TRIM40: variants seen among roughly 807,000 people sequenced by gnomAD.
TRIM40 encodes E3 ubiquitin ligase TRIM40.
Under a neutral mutation model 26.1 loss-of-function variants are expected in TRIM40, and 27 were observed. The observed-to-expected ratio is 1.04, with a 90% CI of 0.76 to 1.43. TRIM40 has a LOEUF of 1.43. TRIM40 is among the 40% of genes most tolerant of loss of function. The probability of loss-of-function intolerance (pLI) is 0.00; values close to 1 mark genes in which losing one functional copy is unlikely to be tolerated. For synonymous variants in TRIM40, 114 were observed against 120.0 expected, an observed-to-expected ratio of 0.95 and a Z score of 0.33; for missense variants, 289 against 307.9, an observed-to-expected ratio of 0.94 and a Z score of 0.46.
chr6:30,147,358 G>A, intron 4 of TRIM40, 149 bp downstream of exon 4: 2 of 1,356,370 alleles, frequency 1.5e-6, no homozygotes, highest in Non-Finnish European at 2.1e-6. Context: ...AGGCTACAGA[G>A]TGCTGCTGCA....
At chr6:30,142,866 T>G (rs931189276) in intron 2 of TRIM40, among the ~76,000 whole-genome samples, 1 of 152,122 alleles carries the variant, frequency 6.6e-6, no homozygotes, top group Non-Finnish European at 1.5e-5. Flanking sequence ...GTTTTTTTTT[T>G]ACTCTAGTCC....
intron 2 of TRIM40, among the ~76,000 whole-genome samples, chr6:30,139,914 A>G (rs1771246598): frequency 6.6e-6 from 1 of 152,264 alleles, no homozygotes; most frequent in African/African-American, 2.4e-5. Flanking sequence ...GGCAAAGGAT[A>G]TGAACAGACG....
At position 30,147,840 on chromosome 6, in the gene TRIM40, C is replaced by T. The variant is rs753789831; in HGVS notation, c.*28C>T. On this transcript the variant is annotated 3_prime_UTR_variant, in exon 6 of 6. Coordinates refer to ENST00000396581, the MANE Select transcript of TRIM40 (RefSeq NM_001286633.2). ...TGTTCATCCCTGGGACACCTCACTT[C>T]AGGCTCACCTCAGCCTCCTCTCTCT... The T allele has an allele frequency of 4.4e-6, 7 of 1,597,548 alleles. No homozygotes were observed. Among genetic ancestry groups the T allele is most frequent in the South Asian group, 1.1e-5 (1 of 90,798 alleles).
intron 2 of TRIM40, 121 bp downstream of exon 2, chr6:30,137,502 C>CT (rs1292281173): frequency 1.2e-5 from 10 of 852,766 alleles, no homozygotes; most frequent in Non-Finnish European, 1.8e-5. Flanking sequence ...TTTGTTTCTT[C>CT]TGCTTCATCC....
Position 30,136,838 on chromosome 6 carries a change from G to A in TRIM40, c.-199G>A. ...ACTCGTGCAGAATTGTGGTTTGTGTGGTCTATGTCACGGCACCCTTGAGGG... is the reference window on the plus strand; with the variant it reads ...ACTCGTGCAGAATTGTGGTTTGTGTAGTCTATGTCACGGCACCCTTGAGGG... On this transcript the variant is annotated 5_prime_UTR_variant, in exon 2 of 6. Transcript: ENST00000396581. 1.7e-6 allele frequency: 1 copy of A among 594,918 alleles called. No individual in the cohort carries two copies. Among genetic ancestry groups the A allele is most frequent in the Non-Finnish European group, 3.0e-6 (1 of 335,306 alleles). 36.9% of individuals were successfully genotyped at this position (594,918 alleles called of 1,614,324 possible).
intron 2 of TRIM40, 59 bp from the exon 3 acceptor site, chr6:30,145,935 C>T: frequency 7.2e-7 from 1 of 1,387,240 alleles, no homozygotes; most frequent in Non-Finnish European, 1.0e-6. Context: ...CCATTGACTC[C>T]TCCCAGTGGG....
At position 30,148,065 on chromosome 6, in the gene TRIM40, C is replaced by T; in HGVS notation, c.*253C>T. On this transcript the variant is annotated 3_prime_UTR_variant, in exon 6 of 6. Coordinates refer to ENST00000396581, the MANE Select transcript of TRIM40 (RefSeq NM_001286633.2). ...CACTGTGGAGGTCGGGGCCCATGGTCTCCAGGAGCATTTGTGAAATCTCCA... is the reference window on the plus strand; with the variant it reads ...CACTGTGGAGGTCGGGGCCCATGGTTTCCAGGAGCATTTGTGAAATCTCCA... 1 of 565,456 alleles carries T rather than the reference C, an allele frequency of 1.8e-6. No individual in the cohort carries two copies. The allele number at this position is 565,456 out of a possible 1,614,324, so 35.0% of individuals were successfully genotyped here.
At chr6:30,144,765 A>G (rs1771548376) in intron 2 of TRIM40, among the ~76,000 whole-genome samples, 1 of 152,176 alleles carries the variant, frequency 6.6e-6, no homozygotes, top group South Asian at 2.1e-4. Flanking sequence ...AGCAACACCA[A>G]ACAACTTGAC....
intron 2 of TRIM40, among the ~76,000 whole-genome samples, chr6:30,140,968 A>G (rs184674419): frequency 5.9e-5 from 9 of 152,304 alleles, no homozygotes; most frequent in Non-Finnish European, 1.2e-4. Flanking sequence ...ACAAAGATCC[A>G]TCCAGGCAAA....
intron 5 of TRIM40, 44 bp downstream of exon 5, chr6:30,147,586 C>T (rs1771746931): frequency 6.2e-7 from 1 of 1,613,640 alleles, no homozygotes; most frequent in African/African-American, 1.3e-5. Context: ...CATATAAACC[C>T]ACACAACACA....
At chr6:30,139,339 C>CTTTTTTTTTT (rs9278591) in intron 2 of TRIM40, among the ~76,000 whole-genome samples, 72 of 77,822 alleles carry the variant, frequency 9.3e-4, no homozygotes, top group Middle Eastern at 7.1e-3. Context: ...ACTTTTTTTT[C>CTTTTTTTTTT]TTTTTTTTTT....
chr6:30,146,166 T>C (rs1771634620), intron 3 of TRIM40, 77 bp downstream of exon 3: 3 of 1,247,420 alleles, frequency 2.4e-6, no homozygotes, highest in Admixed American at 2.0e-5. Flanking sequence ...TGGACATCTG[T>C]CTGTCCCTGG....
At chr6:30,138,200 G>C (rs116597831) in intron 2 of TRIM40, among the ~76,000 whole-genome samples, 1,683 of 152,216 alleles carry the variant, frequency 0.011, 24 homozygotes, top group African/African-American at 0.034. Flanking sequence ...TTATTTTCAA[G>C]AACTGTGTGG....
chr6:30,137,797 TA>T (rs1356315519), intron 2 of TRIM40, among the ~76,000 whole-genome samples: 1 of 152,140 alleles, frequency 6.6e-6, no homozygotes, highest in African/African-American at 2.4e-5. Flanking sequence ...AGTTACTACA[TA>T]ATTTTTTCTC....
chr6:30,138,700 AC>A (rs1771160279), intron 2 of TRIM40, among the ~76,000 whole-genome samples: 2 of 152,168 alleles, frequency 1.3e-5, no homozygotes, highest in African/African-American at 4.8e-5. Flanking sequence ...ATTTTTATCA[AC>A]CTTTCCCCTG....
intron 2 of TRIM40, among the ~76,000 whole-genome samples, chr6:30,139,837 C>T (rs116784413): frequency 0.011 from 1,693 of 152,154 alleles, 25 homozygotes; most frequent in African/African-American, 0.034. Flanking sequence ...GAGTTTGAAT[C>T]GACAGGACTT....
intron 3 of TRIM40, 100 bp downstream of exon 3, chr6:30,146,189 TG>T: frequency 9.9e-7 from 1 of 1,014,988 alleles, no homozygotes; most frequent in Non-Finnish European, 1.5e-6. Context: ...CAGCCTGATG[TG>T]GGCAGATGGT....
At chr6:30,144,204 G>T (rs1771516190) in intron 2 of TRIM40, among the ~76,000 whole-genome samples, 1 of 152,090 alleles carries the variant, frequency 6.6e-6, no homozygotes, top group Non-Finnish European at 1.5e-5. Flanking sequence ...TATCTTTGTT[G>T]CTGAGAAGCC....
At chr6:30,140,344 G>A (rs572930775) in intron 2 of TRIM40, among the ~76,000 whole-genome samples, 1 of 152,148 alleles carries the variant, frequency 6.6e-6, no homozygotes, top group Non-Finnish European at 1.5e-5. Flanking sequence ...CGATAGACTG[G>A]ATAAAGAAAA....
Sources: allele counts gnomAD v4.1 joint callset (sites outside exome capture counted in the v4.1 genomes callset), GRCh38; gene constraint gnomAD v4.1.1; transcripts MANE v1.5; gene names NCBI Gene and HGNC (gene_info 2026-07-23, HGNC 2026-07-21).